The following FMN1 variants were observed in gnomAD, a reference collection of about 807,000 sequenced individuals.
FMN1 encodes formin 1, also known as formin-1.
FMN1 carries 110 observed loss-of-function variants against 132.4 expected under a neutral mutation model. The observed-to-expected ratio is 0.83, with a 90% CI of 0.71 to 0.97. The LOEUF is 0.97. Ranked by LOEUF, FMN1 falls within the 50% of genes least tolerant of loss-of-function variation. FMN1 has a pLI of 0.00. For synonymous variants in FMN1, 722 were observed against 651.7 expected, an observed-to-expected ratio of 1.11 and a Z score of -1.64; for missense variants, 1,792 against 1,705.3, an observed-to-expected ratio of 1.05 and a Z score of -0.90.
intron 2 of FMN1, among the ~76,000 whole-genome samples, chr15:33,191,254 C>G (rs1966070127): frequency 6.6e-6 from 1 of 152,002 alleles, no homozygotes; most frequent in South Asian, 2.1e-4. Flanking sequence ...AAAAGCGTTT[C>G]ATTTGAAAGG....
chr15:33,092,830 A>G (rs185615906), intron 4 of FMN1, among the ~76,000 whole-genome samples: 103 of 152,352 alleles, frequency 6.8e-4, no homozygotes, highest in Non-Finnish European at 1.3e-3. Context: ...CTTAAACACA[A>G]CAGTGTTTTT....
chr15:33,173,938 A>AAAAG (rs200570710), intron 3 of FMN1, among the ~76,000 whole-genome samples: 120 of 149,552 alleles, frequency 8.0e-4, no homozygotes, highest in Middle Eastern at 6.9e-3. Flanking sequence ...AAAAAATTAA[A>AAAAG]AAAGAAAGAA....
chr15:33,166,865 A>C (rs913613181), intron 3 of FMN1, among the ~76,000 whole-genome samples: 1 of 152,216 alleles, frequency 6.6e-6, no homozygotes, highest in Non-Finnish European at 1.5e-5. Flanking sequence ...TGTGTAACCC[A>C]GCAAGGGAAG....
intron 17 of FMN1, among the ~76,000 whole-genome samples, chr15:32,846,716 C>A (rs1258788): frequency 0.22 from 34,169 of 152,116 alleles, 4,097 homozygotes; most frequent in East Asian, 0.44. Context: ...CTGGTATATA[C>A]CCAAAGGATT....
chr15:32,916,744 T>C (rs898758381), intron 10 of FMN1, among the ~76,000 whole-genome samples: 4 of 152,216 alleles, frequency 2.6e-5, no homozygotes, highest in African/African-American at 9.6e-5. Context: ...CAAAGTTTGA[T>C]AGGATTACTT....
chr15:32,973,594 C>A (rs1487240482), intron 7 of FMN1, among the ~76,000 whole-genome samples: 1 of 147,992 alleles, frequency 6.8e-6, no homozygotes, highest in African/African-American at 2.6e-5. Context: ...CAAAAAAACA[C>A]TTGTCTTTGA....
chr15:32,817,758 G>GA (rs1439790179), intron 17 of FMN1, among the ~76,000 whole-genome samples: 1 of 152,208 alleles, frequency 6.6e-6, no homozygotes, highest in Non-Finnish European at 1.5e-5. Context: ...AAGTCAAGGT[G>GA]AAAGTGCTGA....
chr15:32,987,713 T>C (rs1157099993), intron 7 of FMN1, among the ~76,000 whole-genome samples: 5 of 152,166 alleles, frequency 3.3e-5, no homozygotes, highest in Non-Finnish European at 7.3e-5. Context: ...CTTTTTTATA[T>C]TTGTCTCATG....
At chr15:32,908,666 G>C (rs66965190) in intron 11 of FMN1, 88 bp from the exon 12 acceptor site, 4 of 774,824 alleles carry the variant, frequency 5.2e-6, no homozygotes, top group East Asian at 5.4e-5. Context: ...TCAAAGTCTC[G>C]AAGTGTGGTT....
At chr15:32,886,930 A>T (rs2141478177) in intron 16 of FMN1, among the ~76,000 whole-genome samples, 1 of 152,292 alleles carries the variant, frequency 6.6e-6, no homozygotes, top group South Asian at 2.1e-4. Context: ...TAACGACCGC[A>T]AGTTCACATA....
At chr15:32,979,977 T>C (rs762711722) in intron 7 of FMN1, among the ~76,000 whole-genome samples, 17 of 152,196 alleles carry the variant, frequency 1.1e-4, no homozygotes, top group Non-Finnish European at 2.4e-4. Context: ...CCTTGCCACT[T>C]TGAGTTTTAC....
At chr15:33,093,801 A>T (rs1357791529) in intron 4 of FMN1, among the ~76,000 whole-genome samples, 1 of 152,226 alleles carries the variant, frequency 6.6e-6, no homozygotes, top group African/African-American at 2.4e-5. Context: ...GTAAGTCTGA[A>T]CATTGATGAG....
intron 2 of FMN1, among the ~76,000 whole-genome samples, chr15:33,191,137 T>C (rs975284659): frequency 1.3e-4 from 19 of 147,466 alleles, no homozygotes; most frequent in African/African-American, 4.8e-4. Context: ...GCCACTGCAC[T>C]CCAGCCTGGG....
intron 6 of FMN1, chr15:33,063,759 C>G (rs1480019815): frequency 6.6e-6 from 1 of 152,230 alleles, no homozygotes; most frequent in Non-Finnish European, 1.5e-5. Flanking sequence ...TACTTCTATG[C>G]TTCAATTACC....
intron 6 of FMN1, among the ~76,000 whole-genome samples, chr15:33,011,253 A>G (rs2140960239): frequency 6.6e-6 from 1 of 152,284 alleles, no homozygotes; most frequent in Admixed American, 6.5e-5. Context: ...AGATACCATG[A>G]TTTATAGGGT....
chr15:32,794,822 C>T (rs1451786597), intron 19 of FMN1, among the ~76,000 whole-genome samples: 2 of 152,086 alleles, frequency 1.3e-5, no homozygotes, highest in African/African-American at 4.8e-5. Context: ...TATGATACAT[C>T]GTAAATGCAA....
At chr15:33,105,608 G>A (rs1024625518) in intron 4 of FMN1, 3 of 152,222 alleles carry the variant, frequency 2.0e-5, no homozygotes, top group African/African-American at 7.2e-5. Flanking sequence ...AGATCAGGCG[G>A]AAAAATAGGG....
intron 5 of FMN1, among the ~76,000 whole-genome samples, chr15:33,082,093 A>G (rs2619173): frequency 0.013 from 1,523 of 120,376 alleles, 16 homozygotes; most frequent in African/African-American, 0.02. Flanking sequence ...CTGGAAAACA[A>G]TGTGTGTGTG....
At chr15:32,917,783 A>C (rs952287290) in intron 10 of FMN1, among the ~76,000 whole-genome samples, 5 of 152,290 alleles carry the variant, frequency 3.3e-5, no homozygotes, top group Middle Eastern at 3.4e-3. Flanking sequence ...AAAAAGTTTC[A>C]ATGAATTAAC....
Sources: allele counts gnomAD v4.1 joint callset (sites outside exome capture counted in the v4.1 genomes callset), GRCh38; gene constraint gnomAD v4.1.1; transcripts MANE v1.5; gene names NCBI Gene and HGNC (gene_info 2026-07-23, HGNC 2026-07-21).